The following BMPR2 variants were observed in gnomAD, a reference collection of about 807,000 sequenced individuals.
The protein encoded by BMPR2 is bone morphogenetic protein receptor type 2.
A neutral mutation model predicts 100.8 loss-of-function variants in BMPR2; 29 were observed. The ratio of observed to expected loss-of-function variants is 0.29; its 90% CI spans 0.21 to 0.39. BMPR2 has a LOEUF of 0.39. Ranked by LOEUF, BMPR2 falls within the 10% of genes least tolerant of loss-of-function variation. The pLI is 1.00. For synonymous variants in BMPR2, 382 were observed against 442.3 expected (o/e 0.86, Z 1.71); for missense variants, 1,011 against 1,274.5 (o/e 0.79, Z 3.15).
At chr2:202,559,071 G>A (rs558182274) in intron 12 of BMPR2, among the ~76,000 whole-genome samples, 56 of 151,978 alleles carry the variant, frequency 3.7e-4, no homozygotes, top group African/African-American at 7.0e-4. Context: ...AGGCTGAGTC[G>A]GGCACATTGC....
At position 202,439,598 on chromosome 2, in the gene BMPR2, G is replaced by T. The variant is rs1300988630; in HGVS notation, c.77-25211G>T. Among the ~76,000 whole-genome samples, 4 of 148,626 alleles carry T rather than the reference G, an allele frequency of 2.7e-5. 1 individual carries two copies. The highest frequency in any genetic ancestry group is 7.7e-5 in the African/African-American group (3 of 39,004). ...TCTTTCTTCTTTATTTTTACTTTTT[G>T]TCTCCTTTCCCTGGCTAGGGGAATC... On this transcript the variant is annotated intron_variant, in intron 1 of 12. Transcript: ENST00000374580.
At chr2:202,392,165 G>A (rs373598722) in intron 1 of BMPR2, among the ~76,000 whole-genome samples, 1 of 151,858 alleles carries the variant, frequency 6.6e-6, no homozygotes, top group Non-Finnish European at 1.5e-5. Context: ...CCGCCTGCCG[G>A]GTTCAAACGA....
chr2:202,441,469 C>T (rs1396359020), intron 1 of BMPR2, among the ~76,000 whole-genome samples: 3 of 148,716 alleles, frequency 2.0e-5, no homozygotes, highest in Non-Finnish European at 3.0e-5. Flanking sequence ...CTTTGGGAGG[C>T]CGAGGCGGGT....
At chr2:202,429,553 A>C (rs1691463149) in intron 1 of BMPR2, among the ~76,000 whole-genome samples, 1 of 152,188 alleles carries the variant, frequency 6.6e-6, no homozygotes, top group Admixed American at 6.6e-5. Context: ...GATATTTTAA[A>C]ATATTCCTTG....
At chr2:202,469,796 A>T (rs1471734090) in intron 3 of BMPR2, among the ~76,000 whole-genome samples, 1 of 152,056 alleles carries the variant, frequency 6.6e-6, no homozygotes, top group African/African-American at 2.4e-5. Context: ...ATTGTATTTC[A>T]TATTACTATA....
intron 3 of BMPR2, among the ~76,000 whole-genome samples, chr2:202,474,042 T>A (rs1260619100): frequency 6.6e-6 from 1 of 150,870 alleles, no homozygotes; most frequent in Non-Finnish European, 1.5e-5. Context: ...GAGGCAGAGG[T>A]TGCAGTGAGC....
intron 9 of BMPR2, 133 bp from the exon 10 acceptor site, chr2:202,542,178 T>A: frequency 1.9e-6 from 2 of 1,034,246 alleles, no homozygotes; most frequent in South Asian, 2.9e-5. Flanking sequence ...CAAATGTGCC[T>A]GAAGGGGATG....
At chr2:202,445,992 T>G (rs1691841582) in intron 1 of BMPR2, among the ~76,000 whole-genome samples, 1 of 150,082 alleles carries the variant, frequency 6.7e-6, no homozygotes, top group Non-Finnish European at 1.5e-5. Flanking sequence ...GCCAGGATGG[T>G]CTTGATCTCC....
At position 202,530,871 on chromosome 2, in the gene BMPR2, A is replaced by G; in HGVS notation, c.1045A>G (p.Ile349Val). 1.9e-6 allele frequency: 3 copies of G among 1,614,130 alleles called. No homozygotes were observed. The highest frequency in any genetic ancestry group is 2.5e-6 in the Non-Finnish European group (3 of 1,179,976). ...AGTGAAAAATGATGGAACCTGTGTTATTAGTGACTTTGGACTGTCCATGAG... is the reference window on the plus strand; with the variant it reads ...AGTGAAAAATGATGGAACCTGTGTTGTTAGTGACTTTGGACTGTCCATGAG... ...VLVKNDGTCVISDFGLSMRLT... is the reference protein window; with the variant it reads ...VLVKNDGTCVVSDFGLSMRLT... The change falls in exon 8 of 13, where the codon ATT (isoleucine) becomes GTT (valine). Residue 349 changes from isoleucine (I) to valine (V), a missense_variant. Ile to Val is a conservative substitution (Grantham distance 29, BLOSUM62 3). Coordinates refer to ENST00000374580, the MANE Select transcript of BMPR2 (RefSeq NM_001204.7).
chr2:202,458,078 T>A lies in BMPR2; in HGVS notation c.77-6731T>A, dbSNP rs564169454. 1.5e-4 allele frequency among the ~76,000 whole-genome samples: 23 copies of A among 152,118 alleles called. No individual in the cohort carries two copies. In the South Asian group the frequency reaches 4.6e-3, roughly 30 times the overall value. On this transcript the variant is annotated intron_variant, in intron 1 of 12. Transcript: ENST00000374580. ...GATTGGACACCTTCAGTTTAAATGA[T>A]ATGGTAACACATGGACAATTCTGTA...
chr2:202,502,164 C>T (rs2105991855), intron 3 of BMPR2, among the ~76,000 whole-genome samples: 1 of 152,202 alleles, frequency 6.6e-6, no homozygotes, highest in East Asian at 1.9e-4. Context: ...GCCCATGCTA[C>T]AATATGGAAA....
Position 202,432,263 on chromosome 2 carries a change from A to G in BMPR2, c.77-32546A>G, listed in dbSNP as rs532404144. On this transcript the variant is annotated intron_variant, in intron 1 of 12. Coordinates refer to ENST00000374580, the MANE Select transcript of BMPR2 (RefSeq NM_001204.7). ...AATTTTCAGATCACAAAGGTTGTCCATGTTCACATATAAGCAGAAAAGTAA... is the reference window on the plus strand; with the variant it reads ...AATTTTCAGATCACAAAGGTTGTCCGTGTTCACATATAAGCAGAAAAGTAA... Among the ~76,000 whole-genome samples the G allele has an allele frequency of 7.3e-4, 110 of 150,908 alleles. 10 individuals carry two copies. The highest frequency in any genetic ancestry group is 2.5e-3 in the African/African-American group (100 of 40,214).
intron 3 of BMPR2, among the ~76,000 whole-genome samples, chr2:202,502,586 C>T (rs1200484795): frequency 1.3e-5 from 2 of 152,144 alleles, no homozygotes; most frequent in Non-Finnish European, 2.9e-5. Context: ...ATCTTCAACC[C>T]GTATCTACCT....
intron 12 of BMPR2, 143 bp downstream of exon 12, chr2:202,556,674 C>T: frequency 9.2e-7 from 1 of 1,091,770 alleles, no homozygotes; most frequent in South Asian, 1.4e-5. Flanking sequence ...AGGCGGGGCA[C>T]AGTGGCTCAC....
At chr2:202,400,673 A>C (rs1416411211) in intron 1 of BMPR2, among the ~76,000 whole-genome samples, 8 of 152,162 alleles carry the variant, frequency 5.3e-5, no homozygotes, top group East Asian at 1.9e-4. Context: ...TTATGTTTTT[A>C]TTTCTACTTG....
chr2:202,398,607 T>G (rs2105908742), intron 1 of BMPR2, among the ~76,000 whole-genome samples: 1 of 152,332 alleles, frequency 6.6e-6, no homozygotes, highest in South Asian at 2.1e-4. Flanking sequence ...TATTAACTGC[T>G]GAGTTTTGAA....
chr2:202,456,063 CAAAAAAAAAAAA>C (rs750470872), intron 1 of BMPR2, among the ~76,000 whole-genome samples: 30 of 36,754 alleles, frequency 8.2e-4, no homozygotes, highest in East Asian at 5.6e-3. Context: ...AGACCCGTCT[CAAAAAAAAAAAA>C]AAAAAAAAAA....
At chr2:202,395,171 C>T (rs1690635202) in intron 1 of BMPR2, among the ~76,000 whole-genome samples, 1 of 152,210 alleles carries the variant, frequency 6.6e-6, no homozygotes, top group Non-Finnish European at 1.5e-5. Context: ...CATGCGCCAC[C>T]ACGCCTGGCA....
chr2:202,419,862 A>T (rs182930486), intron 1 of BMPR2, among the ~76,000 whole-genome samples: 27 of 152,330 alleles, frequency 1.8e-4, no homozygotes, highest in Non-Finnish European at 3.4e-4. Flanking sequence ...TTAAAAACCC[A>T]AGGGGGCCAG....
Sources: gnomAD v4.1 joint callset for allele counts (sites outside exome capture counted in the v4.1 genomes callset) on GRCh38, gnomAD v4.1.1 for gene constraint, MANE v1.5 for transcripts, NCBI Gene and HGNC (gene_info 2026-07-23, HGNC 2026-07-21) for gene names.